SNED1: variants seen among roughly 807,000 people sequenced by gnomAD.
The protein encoded by SNED1 is sushi, nidogen and EGF-like domain-containing protein 1.
Under a neutral mutation model 166.7 loss-of-function variants are expected in SNED1, and 81 were observed. That is an observed-to-expected ratio of 0.49 (90% CI 0.41 to 0.58). SNED1 has a LOEUF of 0.58. SNED1 is among the 20% of genes least tolerant of loss of function. The pLI, the probability that SNED1 is intolerant of heterozygous loss-of-function variation, is 0.00. For synonymous variants in SNED1, 762 were observed against 822.0 expected, an observed-to-expected ratio of 0.93 and a Z score of 1.25; for missense variants, 1,604 against 2,000.2, an observed-to-expected ratio of 0.80 and a Z score of 3.78.
Position 241,067,246 on chromosome 2 carries a change from A to G in SNED1, c.3011-518A>G, listed in dbSNP as rs1044005778. 2.1e-4 allele frequency among the ~76,000 whole-genome samples: 32 copies of G among 152,202 alleles called. 1 individual carries two copies. The highest frequency in any genetic ancestry group is 7.7e-4 in the African/African-American group (32 of 41,458). ...CCCTCTGGGCTCTGCCTGGTGCATC[A>G]GCAGTGGCACTGGAGCTTCGGAGGA... On this transcript the variant is annotated intron_variant, in intron 21 of 31. Coordinates refer to ENST00000310397, the MANE Select transcript of SNED1 (RefSeq NM_001080437.3).
At chr2:241,002,573 CGAG>C (rs1457288535) in intron 1 of SNED1, among the ~76,000 whole-genome samples, 2 of 152,014 alleles carry the variant, frequency 1.3e-5, no homozygotes, top group African/African-American at 4.8e-5. Context: ...GGGCTGGAGT[CGAG>C]GAGGATGCTG....
chr2:241,081,903 GC>G, intron 28 of SNED1, 110 bp downstream of exon 28: 2 of 803,810 alleles, frequency 2.5e-6, no homozygotes, highest in Non-Finnish European at 4.1e-6. Flanking sequence ...ACGATGAGGT[GC>G]CAGACAGGGA....
At chr2:241,032,144 G>A (rs2061192618) in intron 2 of SNED1, among the ~76,000 whole-genome samples, 1 of 152,172 alleles carries the variant, frequency 6.6e-6, no homozygotes, top group African/African-American at 2.4e-5. Context: ...GAGGTCAGGA[G>A]TTTGAGATCA....
Position 241,049,882 on chromosome 2 carries a change from T to C in SNED1, c.1684T>C (p.Ser562Pro), listed in dbSNP as rs778601940. ...AGGCTCCTGCGATGCCCATGACGACTCCTACACCTGCGAGTGCCCGCGCGG... is the reference window on the plus strand; with the variant it reads ...AGGCTCCTGCGATGCCCATGACGACCCCTACACCTGCGAGTGCCCGCGCGG... ...NGGSCDAHDDSYTCECPRGFH... is the reference protein window; with the variant it reads ...NGGSCDAHDDPYTCECPRGFH... Residue 562 changes from serine to proline, a missense_variant, in exon 12 of 32, where the codon TCC becomes CCC. Ser to Pro is a moderately conservative substitution (Grantham distance 74). Around this residue, in one of 2 missense-constraint regions of SNED1, gnomAD observed 1,237 missense variants for 1,620.8 expected, o/e 0.76. Transcript: ENST00000310397. The C allele has an allele frequency of 3.1e-6, 5 of 1,613,702 alleles. No homozygotes were observed. Among genetic ancestry groups the C allele is most frequent in the African/African-American group, 1.3e-5 (1 of 74,926 alleles).
At chr2:241,070,494 G>A (rs368541976) in intron 24 of SNED1, among the ~76,000 whole-genome samples, 2 of 152,226 alleles carry the variant, frequency 1.3e-5, no homozygotes, top group Admixed American at 6.5e-5. Flanking sequence ...ACCTGAAAAC[G>A]GGTGCCGAGG....
Position 241,065,357 on chromosome 2 carries a change from C to G in SNED1, c.2772C>G (p.Ile924Met). ...GAGTGGAGGAGAGTGGGGTCTCTAT[C>G]TCCTGGAACCCGCCCAATGGTCCAG... ...MERVEESGVS[I>M]SWNPPNGPAA... The change falls in exon 21 of 32, where the codon ATC becomes ATG. Residue 924 changes from isoleucine to methionine, a missense_variant. Ile to Met is a conservative substitution (Grantham distance 10). Coordinates refer to ENST00000310397, the MANE Select transcript of SNED1 (RefSeq NM_001080437.3). 1 of 1,613,134 alleles carries G rather than the reference C, an allele frequency of 6.2e-7. No homozygotes were observed. Among genetic ancestry groups the G allele is most frequent in the Middle Eastern group, 1.6e-4 (1 of 6,062 alleles).
At chr2:241,020,467 G>A (rs924491756) in intron 1 of SNED1, among the ~76,000 whole-genome samples, 4 of 152,240 alleles carry the variant, frequency 2.6e-5, no homozygotes, top group African/African-American at 4.8e-5. Flanking sequence ...AGTGGCTCAC[G>A]TCAGGCACTG....
intron 16 of SNED1, among the ~76,000 whole-genome samples, chr2:241,059,604 TC>T (rs1167837791): frequency 6.6e-6 from 1 of 152,066 alleles, no homozygotes; most frequent in East Asian, 1.9e-4. Flanking sequence ...GTGGGATTTT[TC>T]TCAAGGACAC....
At position 241,051,865 on chromosome 2, in the gene SNED1, G is replaced by A. The variant is rs1326149661; in HGVS notation, c.1852+5G>A. 5 of 1,532,956 alleles carry A rather than the reference G, an allele frequency of 3.3e-6. No individual in the cohort carries two copies. Among genetic ancestry groups the A allele is most frequent in the South Asian group, 2.5e-5 (2 of 80,956 alleles). The allele number at this position is 1,532,956 out of a possible 1,614,324, so 95.0% of individuals were successfully genotyped here. On this transcript the variant is annotated splice_donor_5th_base_variant and intron_variant, in intron 13 of 31. Transcript: ENST00000310397. This position sits in a 1 kb window ranked among gnomAD's most constrained non-coding sequence, Gnocchi z 4.7. ...CTGGGAGGCACTGTGAGATCGGTGC[G>A]GCCCCCAGGGGCAGGGGGGAGGGCA... is the stretch of plus-strand genomic sequence containing the variant.
chr2:241,087,632 A>G (rs2063651164), intron 30 of SNED1, 157 bp downstream of exon 30: 1 of 1,438,246 alleles, frequency 7.0e-7, no homozygotes, highest in Admixed American at 3.0e-5. Flanking sequence ...TTCTGCTACG[A>G]AACTGTATGT....
chr2:241,088,523 G>T, intron 31 of SNED1, 121 bp downstream of exon 31: 2 of 801,668 alleles, frequency 2.5e-6, no homozygotes, highest in East Asian at 2.4e-5. Context: ...AAGGAAGCGC[G>T]GTCCTGTGCT....
chr2:241,006,855 A>G (rs933085140), intron 1 of SNED1, among the ~76,000 whole-genome samples: 25 of 152,236 alleles, frequency 1.6e-4, no homozygotes, highest in African/African-American at 5.8e-4. Flanking sequence ...AGAGAAGTGC[A>G]AGATGAGCCT....
At chr2:241,030,004 C>A (rs960668225) in intron 1 of SNED1, among the ~76,000 whole-genome samples, 13 of 152,244 alleles carry the variant, frequency 8.5e-5, no homozygotes, top group African/African-American at 3.1e-4. Flanking sequence ...TTTCCTACCC[C>A]CTATAGCAGC....
intron 16 of SNED1, among the ~76,000 whole-genome samples, chr2:241,057,089 T>G (rs371701662): frequency 3.3e-5 from 5 of 151,972 alleles, no homozygotes; most frequent in African/African-American, 1.2e-4. Context: ...AGTATAAATA[T>G]TGAAATAGGT....
At chr2:241,077,790 C>T (rs2063099637) in intron 27 of SNED1, among the ~76,000 whole-genome samples, 1 of 152,124 alleles carries the variant, frequency 6.6e-6, no homozygotes, top group Admixed American at 6.6e-5. Context: ...ACATCAAAAC[C>T]ACTAGGATGG....
At position 241,073,218 on chromosome 2, in the gene SNED1, C is replaced by T. The variant is rs759057726; in HGVS notation, c.3818-48C>T. On this transcript the variant is annotated intron_variant, in intron 26 of 31. Coordinates refer to ENST00000310397, the MANE Select transcript of SNED1 (RefSeq NM_001080437.3). The surrounding 1 kb of genome is among the most constrained non-coding windows in gnomAD (Gnocchi z 6.6). ...CAAAAGGGTGGCCCCAGGACCATCC[C>T]GGGTGCAAAGCAGCTGCGCCGTGTG... 1.4e-6 allele frequency: 2 copies of T among 1,402,312 alleles called. No homozygotes were observed. Among genetic ancestry groups the T allele is most frequent in the South Asian group, 2.5e-5 (2 of 80,804 alleles). The allele number at this position is 1,402,312 out of a possible 1,614,324, so 86.9% of individuals were successfully genotyped here.
chr2:241,086,237 C>G (rs1172921959), intron 29 of SNED1, among the ~76,000 whole-genome samples: 1 of 152,220 alleles, frequency 6.6e-6, no homozygotes, highest in Non-Finnish European at 1.5e-5. Flanking sequence ...TCGTTCAACT[C>G]CTCAGTAGTT....
intron 8 of SNED1, among the ~76,000 whole-genome samples, chr2:241,047,092 C>T (rs974003959): frequency 3.4e-5 from 5 of 147,776 alleles, no homozygotes; most frequent in Non-Finnish European, 7.4e-5. Context: ...TTGCAGTGAG[C>T]CGAGATCGCG....
At position 241,065,954 on chromosome 2, in the gene SNED1, T is replaced by TG. The variant is rs530201531; in HGVS notation, c.3010+366dup. On this transcript the variant is annotated intron_variant, in intron 21 of 31. Coordinates refer to ENST00000310397, the MANE Select transcript of SNED1 (RefSeq NM_001080437.3). ...GAGACAGGGGCCGCGGGGGTGGGCT[T>TG]GGGGGGGCTGGGACTCTGGGGTGCT... is the stretch of plus-strand genomic sequence containing the variant. Among the ~76,000 whole-genome samples the TG allele has an allele frequency of 5.9e-3, 345 of 58,284 alleles. 1 individual carries two copies. Among genetic ancestry groups the TG allele is most frequent in the African/African-American group, 0.021 (332 of 15,890 alleles). 38.2% of individuals were successfully genotyped at this position (58,284 alleles called of 152,430 possible).
Sources: allele counts gnomAD v4.1 joint callset (sites outside exome capture counted in the v4.1 genomes callset), GRCh38; gene constraint gnomAD v4.1.1; regional missense constraint gnomAD v4.1.1; non-coding constraint Gnocchi (gnomAD v3.1); transcripts MANE v1.5; gene names NCBI Gene and HGNC (gene_info 2026-07-23, HGNC 2026-07-21).